The following XKR9 variants were observed in gnomAD, a reference collection of about 807,000 sequenced individuals.
The protein encoded by XKR9 is XK-related protein 9.
In XKR9, 32 loss-of-function variants were observed where a neutral mutation model predicts 32.0. The observed-to-expected ratio is 1.00, with a 90% CI of 0.76 to 1.34. The LOEUF is 1.34. Ranked by LOEUF, XKR9 falls within the 40% of genes most tolerant of loss-of-function variation. XKR9 has a pLI of 0.00. For synonymous variants in XKR9, 168 were observed against 143.4 expected, an observed-to-expected ratio of 1.17 and a Z score of -1.22; for missense variants, 546 against 429.7, an observed-to-expected ratio of 1.27 and a Z score of -2.39.
the XKR9 span, among the ~76,000 whole-genome samples, chr8:70,981,553 T>C: frequency 4.6e-5 from 7 of 152,144 alleles, no homozygotes; most frequent in Non-Finnish European, 1.0e-4. Flanking sequence ...TTCTGTATCA[T>C]GTTTTTGATT....
chr8:70,802,226 G>A, the XKR9 span, among the ~76,000 whole-genome samples: 5 of 152,044 alleles, frequency 3.3e-5, no homozygotes, highest in East Asian at 1.9e-4. Flanking sequence ...GTGAGCCACC[G>A]CGCCCGGCCC....
the XKR9 span, among the ~76,000 whole-genome samples, chr8:70,815,286 CTTA>C: frequency 6.6e-6 from 1 of 152,054 alleles, no homozygotes; most frequent in African/African-American, 2.4e-5. Context: ...AAGCCTAGTA[CTTA>C]TTAGTTGTTT....
chr8:70,809,733 A>T, the XKR9 span, among the ~76,000 whole-genome samples: 1 of 152,228 alleles, frequency 6.6e-6, no homozygotes, highest in Non-Finnish European at 1.5e-5. Flanking sequence ...GTGAGAAGAG[A>T]AATTTAGAGA....
At chr8:70,709,888 C>G (rs1805851625) in intron 4 of XKR9, among the ~76,000 whole-genome samples, 1 of 152,108 alleles carries the variant, frequency 6.6e-6, no homozygotes, top group Non-Finnish European at 1.5e-5. Context: ...AAGCAATGTA[C>G]AGATTCAGTG....
At chr8:70,998,208 A>G in the XKR9 span, among the ~76,000 whole-genome samples, 1 of 152,210 alleles carries the variant, frequency 6.6e-6, no homozygotes, top group African/African-American at 2.4e-5. Context: ...ATCACCCGGT[A>G]TATTTCTTAG....
chr8:70,711,732 A>C (rs1219206575), intron 4 of XKR9, among the ~76,000 whole-genome samples: 157 of 73,318 alleles, frequency 2.1e-3, no homozygotes, highest in African/African-American at 6.3e-3. Flanking sequence ...AGTGATACAC[A>C]ATTTACCCAT....
rs879865952 is a variant in XKR9 at position 70,784,890 on chromosome 8, A to AT, written n.353-4436dup. On this transcript the variant is annotated intron_variant and non_coding_transcript_variant, in intron 2 of 3. Transcript: ENST00000520273. ...TTTCTTCTATACCTAATTTGGTGAG[A>AT]TTTTTTTTTTTTTAATCATGAAAGG... 2.3e-3 allele frequency among the ~76,000 whole-genome samples: 338 copies of AT among 144,640 alleles called. 2 individuals are homozygous for AT. Among genetic ancestry groups the AT allele is most frequent in the East Asian group, 0.018 (87 of 4,950 alleles). The allele number at this position is 144,640 out of a possible 152,430, so 94.9% of individuals were successfully genotyped here. A position where few individuals can be genotyped will look rare whatever the true frequency, so the allele number is the denominator to read the frequency against.
chr8:71,062,130 C>T, the XKR9 span, among the ~76,000 whole-genome samples: 10 of 152,256 alleles, frequency 6.6e-5, no homozygotes, highest in East Asian at 9.6e-4. Flanking sequence ...TTTACATCTG[C>T]GATGATAGAG....
chr8:70,697,034 G>A (rs1305317599), intron 3 of XKR9, among the ~76,000 whole-genome samples: 2 of 151,872 alleles, frequency 1.3e-5, no homozygotes, highest in African/African-American at 4.8e-5. Flanking sequence ...CATTGATTTT[G>A]TATCCTGAGA....
the XKR9 span, among the ~76,000 whole-genome samples, chr8:70,803,891 A>G: frequency 6.6e-6 from 1 of 152,248 alleles, no homozygotes; most frequent in Non-Finnish European, 1.5e-5. Context: ...ATTCAGGCAG[A>G]AGTGGGACTG....
the XKR9 span, among the ~76,000 whole-genome samples, chr8:70,895,695 C>A: frequency 1.1e-4 from 17 of 151,658 alleles, no homozygotes; most frequent in African/African-American, 3.6e-4. Context: ...GAAGAAAGTT[C>A]TCTTGTAGGC....
chr8:71,048,257 A>G, the XKR9 span, among the ~76,000 whole-genome samples: 30 of 152,146 alleles, frequency 2.0e-4, no homozygotes, highest in African/African-American at 7.2e-4. Context: ...GAAAAAGTGC[A>G]TTTCTCTCTT....
the XKR9 span, among the ~76,000 whole-genome samples, chr8:70,844,457 A>G: frequency 2.0e-5 from 3 of 152,278 alleles, no homozygotes; most frequent in South Asian, 6.2e-4. Context: ...CACCAGGGCC[A>G]CAGCACGCTT....
chr8:70,705,597 G>T (rs1805692484), intron 3 of XKR9, among the ~76,000 whole-genome samples: 1 of 152,134 alleles, frequency 6.6e-6, no homozygotes, highest in Non-Finnish European at 1.5e-5. Flanking sequence ...CTGGAAGTGG[G>T]AGAGAAATGA....
the XKR9 span, among the ~76,000 whole-genome samples, chr8:70,843,191 G>T: frequency 4.7e-3 from 719 of 152,180 alleles, 6 homozygotes; most frequent in African/African-American, 0.016. Flanking sequence ...CCTGGATTTG[G>T]TATATAGAGG....
At chr8:70,742,312 C>T (rs1806999009) in intron 2 of XKR9, among the ~76,000 whole-genome samples, 2 of 152,146 alleles carry the variant, frequency 1.3e-5, no homozygotes, top group Admixed American at 1.3e-4. Flanking sequence ...TTACCTTGGG[C>T]ACATGATTCT....
At chr8:70,958,818 A>T in the XKR9 span, among the ~76,000 whole-genome samples, 1 of 152,190 alleles carries the variant, frequency 6.6e-6, no homozygotes, top group Non-Finnish European at 1.5e-5. Flanking sequence ...CTGTTAGTCA[A>T]GTTACTTAGC....
rs534666611 is a variant in XKR9, at chr8:70,718,110, A to G, written c.493+10957A>G. Among the ~76,000 whole-genome samples, 97 of 152,180 alleles carry G rather than the reference A, an allele frequency of 6.4e-4. 1 individual carries two copies. In the South Asian group the frequency reaches 0.019, roughly 30 times the overall value. On this transcript the variant is annotated intron_variant, in intron 4 of 4. Coordinates refer to ENST00000408926, the MANE Select transcript of XKR9 (RefSeq NM_001011720.2). The stretch of plus-strand genomic sequence containing the variant: ...TTCAACAAGTCTCTAGGAAGTTCCA[A>G]ACTTTCCCACATCTTCCAGTTTTCT...
At chr8:70,733,641 CATA>C (rs1474720309) in intron 4 of XKR9, among the ~76,000 whole-genome samples, 152 bp from the exon 5 acceptor site, 1 of 152,070 alleles carries the variant, frequency 6.6e-6, no homozygotes, top group Non-Finnish European at 1.5e-5. Flanking sequence ...TTCCCCCATA[CATA>C]ATAATATCTA....
Sources: allele counts gnomAD v4.1 joint callset (sites outside exome capture counted in the v4.1 genomes callset), GRCh38; gene constraint gnomAD v4.1.1; transcripts MANE v1.5; gene names NCBI Gene and HGNC (gene_info 2026-07-23, HGNC 2026-07-21).